The following CEP295 variants were observed in gnomAD, a reference collection of about 807,000 sequenced individuals.
The protein encoded by CEP295 is centrosomal protein 295.
Under a neutral mutation model 291.6 loss-of-function variants are expected in CEP295, and 190 were observed. The observed-to-expected ratio is 0.65, with a 90% CI of 0.58 to 0.73. The LOEUF (loss-of-function observed/expected upper bound fraction) is 0.73, where lower values mean the gene tolerates loss of function less well. Ranked by LOEUF, CEP295 falls within the 30% of genes least tolerant of loss-of-function variation. The pLI, the probability that CEP295 is intolerant of heterozygous loss-of-function variation, is 0.00. For missense variants in CEP295, 2,863 were observed against 2,949.4 expected (o/e 0.97, Z 0.68); for synonymous variants, 993 against 1,038.8 (o/e 0.96, Z 0.85).
chr11:93,696,942 C>A lies in CEP295; in HGVS notation c.2030C>A (p.Ala677Glu), dbSNP rs1413434716. Residue 677 changes from alanine (A) to glutamate (E), a missense_variant, in exon 15 of 30, where the codon GCG becomes GAG. By Grantham distance (107) the Ala-to-Glu change is moderately radical. Coordinates refer to ENST00000325212, the MANE Select transcript of CEP295 (RefSeq NM_033395.2). ...SKLEQDHFQV[A>E]RQNHFPQRQV... ...TTAGAACAAGATCATTTTCAGGTAGCGAGACAAAATCACTTTCCACAAAGA... is the reference window on the plus strand; with the variant it reads ...TTAGAACAAGATCATTTTCAGGTAGAGAGACAAAATCACTTTCCACAAAGA... 6.4e-7 allele frequency: 1 copy of A among 1,551,932 alleles called. No homozygotes were observed. Among genetic ancestry groups the A allele is most frequent in the Admixed American group, 2.0e-5 (1 of 51,004 alleles).
In CEP295 at chr11:93,696,326, A is replaced by G; in HGVS notation, c.1678A>G (p.Ile560Val). The G allele has an allele frequency of 6.5e-7, 1 of 1,544,410 alleles. No homozygotes were observed. Among genetic ancestry groups the G allele is most frequent in the Non-Finnish European group, 8.7e-7 (1 of 1,142,902 alleles). The change falls in exon 14 of 30, where the codon ATT becomes GTT. Residue 560 changes from isoleucine (I) to valine (V), a missense_variant. Physicochemically the swap from Ile to Val is conservative, Grantham distance 29. Coordinates refer to ENST00000325212, the MANE Select transcript of CEP295 (RefSeq NM_033395.2). ...RKKTQPTGVG[I>V]APASCPVISD... ...TAACTTTGTCTTTTATTAGGTTGGC[A>G]TTGCTCCAGCATCATGCCCTGTAAT...
At position 93,699,269 on chromosome 11, in the gene CEP295, C is replaced by G; in HGVS notation, c.4357C>G (p.Gln1453Glu). 4 of 1,551,840 alleles carry G rather than the reference C, an allele frequency of 2.6e-6. No individual in the cohort carries two copies. Among genetic ancestry groups the G allele is most frequent in the Non-Finnish European group, 3.5e-6 (4 of 1,146,936 alleles). Reference sequence around the variant, plus strand: ...TTTATCACATCTTGTTTTACCTCAACAAGATAATTTGATTGCACTTGAAGA... The same window carrying G: ...TTTATCACATCTTGTTTTACCTCAAGAAGATAATTTGATTGCACTTGAAGA... ...LGLSHLVLPQ[Q>E]DNLIALEEHL... The change falls in exon 15 of 30, where the codon CAA becomes GAA. Residue 1453 changes from glutamine (Q) to glutamate (E), a missense_variant. Coordinates refer to ENST00000325212, the MANE Select transcript of CEP295 (RefSeq NM_033395.2).
intron 18 of CEP295, among the ~76,000 whole-genome samples, chr11:93,720,525 G>A (rs1953635333): frequency 6.7e-6 from 1 of 148,802 alleles, no homozygotes; most frequent in Non-Finnish European, 1.5e-5. Flanking sequence ...ATAATAGAAG[G>A]CACTAAAAGG....
chr11:93,725,510 ACTGGATTTG>A, intron 22 of CEP295, 132 bp from the exon 23 acceptor site: 1 of 690,528 alleles, frequency 1.4e-6, no homozygotes. Flanking sequence ...ATTGAAAAGA[ACTGGATTTG>A]AAAAAGCAAA....
At chr11:93,687,939 T>C (rs1411664211) in intron 10 of CEP295, 74 bp downstream of exon 10, 3 of 1,064,610 alleles carry the variant, frequency 2.8e-6, no homozygotes, top group African/African-American at 3.2e-5. Flanking sequence ...TTCTGAAAAA[T>C]CAAAGAATAG....
In CEP295 at chr11:93,728,697, A is replaced by T. The variant is rs1478283741; in HGVS notation, c.7178A>T (p.His2393Leu). 5.2e-6 allele frequency: 8 copies of T among 1,539,308 alleles called. No individual in the cohort carries two copies. Among genetic ancestry groups the T allele is most frequent in the Non-Finnish European group, 7.0e-6 (8 of 1,143,690 alleles). ...SIPVWETETG[H>L]GIMEEPELTL... ...GGTTCACAGGAAACAGAAACTGGCC[A>T]TGGTATAATGGAAGAACCAGAACTT... Residue 2393 changes from histidine to leucine, a missense_variant, in exon 25 of 30, where the codon CAT (histidine) becomes CTT (leucine). Physicochemically the swap from His to Leu is moderately conservative, Grantham distance 99. Transcript: ENST00000325212.
Position 93,679,502 on chromosome 11 carries a change from A to G in CEP295, c.715A>G (p.Lys239Glu), listed in dbSNP as rs1473712385. Residue 239 changes from lysine (K) to glutamate (E), a missense_variant, in exon 7 of 30, where the codon AAG becomes GAG. Lys to Glu is a moderately conservative substitution (Grantham distance 56). Coordinates refer to ENST00000325212, the MANE Select transcript of CEP295 (RefSeq NM_033395.2). ...AAQERMERFE[K>E]AHVRGFQAMK... ...ACAAGAGAGAATGGAACGGTTTGAA[A>G]AGGCACATGTACGGGGATTCCAAGC... 4 of 1,551,568 alleles carry G rather than the reference A, an allele frequency of 2.6e-6. No homozygotes were observed. The South Asian group carries it at 4.8e-5, about 18-fold the overall frequency.
rs542604044 is a variant in CEP295, at chr11:93,705,921, T to C, written c.5597-824T>C. Among the ~76,000 whole-genome samples, 3 of 152,330 alleles carry C rather than the reference T, an allele frequency of 2.0e-5. No individual in the cohort carries two copies. In the East Asian group the frequency reaches 5.8e-4, roughly 29 times the overall value. ...AAAGAAATACCTTTTAAGCTTGATA[T>C]AAGCCTGGCTGTTGATATTATTGAG... On this transcript the variant is annotated intron_variant, in intron 17 of 29. Coordinates refer to ENST00000325212, the MANE Select transcript of CEP295 (RefSeq NM_033395.2).
chr11:93,728,891 T>C (rs77135642), intron 25 of CEP295, 70 bp downstream of exon 25: 13 of 1,359,854 alleles, frequency 9.6e-6, no homozygotes, highest in African/African-American at 7.3e-5. Context: ...TTACAACTTA[T>C]CAGAAGGTAC....
Position 93,698,120 on chromosome 11 carries a change from A to T in CEP295, c.3208A>T (p.Thr1070Ser). 6.4e-7 allele frequency: 1 copy of T among 1,552,122 alleles called. No homozygotes were observed. The highest frequency in any genetic ancestry group is 8.7e-7 in the Non-Finnish European group (1 of 1,147,082). The change falls in exon 15 of 30, where the codon ACT becomes TCT. Residue 1070 changes from threonine (T) to serine (S), a missense_variant. Around this residue, in one of 3 missense-constraint regions of CEP295, gnomAD observed 2,295 missense variants for 2,335.7 expected, o/e 0.98. Transcript: ENST00000325212. ...AGAACAGTTGACTAAACAGAGGGAT[A>T]CTCTTCAGGCTAGGCATGAAGCTCA... Reference protein sequence around the residue: ...LQEQLTKQRDTLQARHEAQVE... With the variant: ...LQEQLTKQRDSLQARHEAQVE...
At chr11:93,701,784 T>G (rs984813398) in intron 15 of CEP295, among the ~76,000 whole-genome samples, 4 of 150,918 alleles carry the variant, frequency 2.7e-5, no homozygotes, top group Non-Finnish European at 5.9e-5. Flanking sequence ...TTGTATTTTT[T>G]GTAGAGACAG....
chr11:93,689,382 T>C (rs1951405123), intron 10 of CEP295, among the ~76,000 whole-genome samples: 1 of 152,186 alleles, frequency 6.6e-6, no homozygotes, highest in Non-Finnish European at 1.5e-5. Flanking sequence ...CACACCTCCC[T>C]ACCCATCTTC....
chr11:93,682,869 G>A (rs766703922), intron 7 of CEP295, among the ~76,000 whole-genome samples: 4 of 151,800 alleles, frequency 2.6e-5, no homozygotes, highest in African/African-American at 9.7e-5. Context: ...TTTCTTACAT[G>A]TACTCATTCT....
chr11:93,729,325 TGAGG>T, intron 25 of CEP295, 105 bp from the exon 26 acceptor site: 1 of 736,340 alleles, frequency 1.4e-6, no homozygotes, highest in Non-Finnish European at 2.3e-6. Flanking sequence ...CAGCTAAGAT[TGAGG>T]CTGCAGTGAG....
At chr11:93,704,889 G>C (rs999194662) in intron 17 of CEP295, among the ~76,000 whole-genome samples, 6 of 152,142 alleles carry the variant, frequency 3.9e-5, no homozygotes, top group African/African-American at 1.4e-4. Flanking sequence ...AGTATTTTAA[G>C]TATTTCTTCT....
In CEP295 at chr11:93,697,733, C is replaced by A. The variant is rs752154974; in HGVS notation, c.2821C>A (p.Gln941Lys). The change falls in exon 15 of 30, where the codon CAG becomes AAG. Residue 941 changes from glutamine (Q) to lysine (K), a missense_variant. Physicochemically the swap from Gln to Lys is moderately conservative, Grantham distance 53. Transcript: ENST00000325212. ...QLQDKRLSLS[Q>K]PILSQQNNFK... ...TCAGGATAAGCGTTTGAGTCTTTCA[C>A]AGCCTATCCTATCACAGCAAAATAA... 29 of 1,551,650 alleles carry A rather than the reference C, an allele frequency of 1.9e-5. No homozygotes were observed. The highest frequency in any genetic ancestry group is 2.4e-5 in the Non-Finnish European group (28 of 1,146,960).
At position 93,683,600 on chromosome 11, in the gene CEP295, A is replaced by G; in HGVS notation, c.807A>G (p.Gln269=). The G allele has an allele frequency of 6.5e-7, 1 of 1,537,160 alleles. No individual in the cohort carries two copies. Among genetic ancestry groups the G allele is most frequent in the Non-Finnish European group, 8.7e-7 (1 of 1,143,596 alleles). ...KLMKELKQLQ[Q]EDLARRRQTV... is the part of the protein sequence containing the mutation. ...TGAAAGAACTCAAACAGCTACAGCA[A>G]GAGGACCTGGCACGTAGGAGACAGA... The change falls in exon 8 of 30, where the codon CAA becomes CAG. Residue 269 remains glutamine (Q), a synonymous_variant. Coordinates refer to ENST00000325212, the MANE Select transcript of CEP295 (RefSeq NM_033395.2).
chr11:93,685,797 A>C (rs1161460824), intron 9 of CEP295, among the ~76,000 whole-genome samples: 1 of 151,598 alleles, frequency 6.6e-6, no homozygotes, highest in Non-Finnish European at 1.5e-5. Flanking sequence ...CACAACCTCC[A>C]CCTCCCGGGT....
intron 1 of CEP295, among the ~76,000 whole-genome samples, chr11:93,665,703 A>G (rs1281368428): frequency 6.6e-6 from 1 of 152,180 alleles, no homozygotes; most frequent in Non-Finnish European, 1.5e-5. Flanking sequence ...ACGAGACTCC[A>G]TCTCAAAAAA....
Sources: allele counts gnomAD v4.1 joint callset (sites outside exome capture counted in the v4.1 genomes callset), GRCh38; gene constraint gnomAD v4.1.1; regional missense constraint gnomAD v4.1.1; transcripts MANE v1.5; gene names NCBI Gene and HGNC (gene_info 2026-07-23, HGNC 2026-07-21).